Variants in CAMTA1 observed in about 807,000 individuals in gnomAD.
The protein encoded by CAMTA1 is calmodulin-binding transcription activator 1.
CAMTA1 carries 27 observed loss-of-function variants against 170.9 expected under a neutral mutation model. The observed-to-expected ratio is 0.16, with a 90% CI of 0.12 to 0.22. The LOEUF (loss-of-function observed/expected upper bound fraction) is 0.22, where lower values mean the gene tolerates loss of function less well. Ranked by LOEUF, CAMTA1 falls within the 10% of genes least tolerant of loss-of-function variation. CAMTA1 has a pLI of 1.00. For missense variants in CAMTA1, 1,619 were observed against 2,217.2 expected (o/e 0.73, Z 5.42); for synonymous variants, 833 against 891.5 (o/e 0.93, Z 1.17).
intron 3 of CAMTA1, among the ~76,000 whole-genome samples, chr1:7,062,809 C>T (rs551088765): frequency 6.6e-6 from 1 of 152,334 alleles, no homozygotes; most frequent in Admixed American, 6.5e-5. Flanking sequence ...GATCCTTCCT[C>T]GCCCCTCCTA....
chr1:7,074,607 C>A (rs998863603), intron 3 of CAMTA1, among the ~76,000 whole-genome samples: 3 of 152,132 alleles, frequency 2.0e-5, no homozygotes, highest in African/African-American at 4.8e-5. Context: ...GCATTAAGTT[C>A]TTCATTAATG....
chr1:7,739,050 T>G (rs551582607), intron 16 of CAMTA1, among the ~76,000 whole-genome samples: 1 of 152,330 alleles, frequency 6.6e-6, no homozygotes, highest in South Asian at 2.1e-4. Context: ...TTAAACTTGT[T>G]ATGGACTAAG....
chr1:7,237,303 TCTG>T (rs1664063133), intron 4 of CAMTA1, among the ~76,000 whole-genome samples: 1 of 151,958 alleles, frequency 6.6e-6, no homozygotes, highest in Admixed American at 6.6e-5. Context: ...TTGCACAAAA[TCTG>T]CTGCCTCCGG....
chr1:7,556,956 G>A (rs553457131), intron 6 of CAMTA1, among the ~76,000 whole-genome samples: 1 of 152,268 alleles, frequency 6.6e-6, no homozygotes, highest in African/African-American at 2.4e-5. Flanking sequence ...TTTGAGGCAG[G>A]TGTTCTTGTT....
intron 6 of CAMTA1, among the ~76,000 whole-genome samples, chr1:7,572,637 A>G (rs746903259): frequency 2.0e-4 from 30 of 152,224 alleles, no homozygotes; most frequent in Non-Finnish European, 2.9e-5. Flanking sequence ...TTCGTCAGAG[A>G]TTAGATGGTT....
intron 5 of CAMTA1, among the ~76,000 whole-genome samples, chr1:7,332,293 A>T (rs778467790): frequency 6.6e-6 from 1 of 152,204 alleles, no homozygotes; most frequent in Admixed American, 6.5e-5. Context: ...CCAGAATGTC[A>T]TCCAGGAGGC....
At chr1:7,582,564 A>G (rs893115688) in intron 6 of CAMTA1, among the ~76,000 whole-genome samples, 1 of 152,104 alleles carries the variant, frequency 6.6e-6, no homozygotes, top group Admixed American at 6.6e-5. Flanking sequence ...ACAATTTCCA[A>G]GGGACCCAGG....
chr1:7,303,439 A>G (rs17346094), intron 5 of CAMTA1, among the ~76,000 whole-genome samples: 5,617 of 152,328 alleles, frequency 0.037, 170 homozygotes, highest in Non-Finnish European at 0.059. Flanking sequence ...TATGAAGCTG[A>G]GCTATACTCT....
Position 7,544,202 on chromosome 1 carries a change from C to T in CAMTA1, c.510+76301C>T, listed in dbSNP as rs181551587. Among the ~76,000 whole-genome samples, 200 of 152,228 alleles carry T rather than the reference C, an allele frequency of 1.3e-3. 1 individual carries two copies. Among genetic ancestry groups the T allele is most frequent in the Non-Finnish European group, 2.3e-3 (155 of 68,014 alleles). Reference sequence around the variant, plus strand: ...GAAGCAAAAGGCACTTCTTACATGGCGGTGGCAAGAGAAAAATGAAGAAGA... The same window carrying T: ...GAAGCAAAAGGCACTTCTTACATGGTGGTGGCAAGAGAAAAATGAAGAAGA... On this transcript the variant is annotated intron_variant, in intron 6 of 22. Coordinates refer to ENST00000303635, the MANE Select transcript of CAMTA1 (RefSeq NM_015215.4).
intron 4 of CAMTA1, among the ~76,000 whole-genome samples, chr1:7,201,802 A>G (rs1032971800): frequency 2.0e-5 from 3 of 151,894 alleles, no homozygotes; most frequent in Non-Finnish European, 4.4e-5. Context: ...TCTTTATCAG[A>G]TATATAATTT....
intron 11 of CAMTA1, among the ~76,000 whole-genome samples, chr1:7,704,309 C>T (rs2096480056): frequency 6.9e-6 from 1 of 145,102 alleles, no homozygotes; most frequent in South Asian, 2.1e-4. Context: ...ACGGGAGGCC[C>T]GCGCGGGGCT....
At chr1:7,658,849 G>T (rs917360854) in intron 7 of CAMTA1, among the ~76,000 whole-genome samples, 1 of 152,210 alleles carries the variant, frequency 6.6e-6, no homozygotes. Flanking sequence ...GGTGCTTAGG[G>T]GGATGCTGGA....
rs2095031898 is a variant in CAMTA1 at position 7,565,663 on chromosome 1, T to A, written c.511-74737T>A. Among the ~76,000 whole-genome samples, 1 of 152,184 alleles carries A rather than the reference T, an allele frequency of 6.6e-6. No homozygotes were observed. Reference sequence around the variant, plus strand: ...GGCTGCCTGGGGGCCTCAGCCATACTGTGGGGCTCCTTGGGGAAAGGAATT... The same window carrying A: ...GGCTGCCTGGGGGCCTCAGCCATACAGTGGGGCTCCTTGGGGAAAGGAATT... On this transcript the variant is annotated intron_variant, in intron 6 of 22. Coordinates refer to ENST00000303635, the MANE Select transcript of CAMTA1 (RefSeq NM_015215.4). This position sits in a 1 kb window ranked among gnomAD's most constrained non-coding sequence, Gnocchi z 4.5.
At chr1:7,394,831 G>C (rs544594522) in intron 5 of CAMTA1, among the ~76,000 whole-genome samples, 2 of 146,258 alleles carry the variant, frequency 1.4e-5, no homozygotes, top group South Asian at 4.3e-4. Context: ...GTGTGTGTGT[G>C]TGTGTGTGTG....
rs1034468608 is a variant in CAMTA1 at position 7,642,927 on chromosome 1, G to A, written c.664+2374G>A. On this transcript the variant is annotated intron_variant, in intron 7 of 22. Coordinates refer to ENST00000303635, the MANE Select transcript of CAMTA1 (RefSeq NM_015215.4). The surrounding 1 kb of genome is among the most constrained non-coding windows in gnomAD (Gnocchi z 6.3). Reference sequence around the variant, plus strand: ...GCCAGCCTGTCCCATTTCTTGGGAGGTGGAGTCACTCCAGAGGGCTCAGCT... The same window carrying A: ...GCCAGCCTGTCCCATTTCTTGGGAGATGGAGTCACTCCAGAGGGCTCAGCT... 1.6e-4 allele frequency among the ~76,000 whole-genome samples: 24 copies of A among 152,170 alleles called. No homozygotes were observed. The highest frequency in any genetic ancestry group is 4.6e-4 in the African/African-American group (19 of 41,434).
chr1:7,433,166 G>A (rs569457545), intron 5 of CAMTA1, among the ~76,000 whole-genome samples: 20 of 152,358 alleles, frequency 1.3e-4, no homozygotes, highest in African/African-American at 4.6e-4. Context: ...AATTGCCCAG[G>A]AAATAGGCCA....
intron 11 of CAMTA1, among the ~76,000 whole-genome samples, chr1:7,701,442 G>A (rs1397016996): frequency 1.3e-5 from 2 of 152,034 alleles, no homozygotes. Flanking sequence ...TTGAGACAGG[G>A]TCTTGCTCTG....
chr1:7,023,884 C>T (rs1170850283), intron 3 of CAMTA1, among the ~76,000 whole-genome samples: 6 of 151,758 alleles, frequency 4.0e-5, no homozygotes, highest in South Asian at 2.1e-4. Flanking sequence ...AAAAATTAGC[C>T]GGGCATGGTG....
chr1:6,983,925 T>G (rs1572214404), intron 3 of CAMTA1, among the ~76,000 whole-genome samples: 1 of 75,192 alleles, frequency 1.3e-5, no homozygotes, highest in Non-Finnish European at 2.5e-5. Flanking sequence ...GGTGGGTAAA[T>G]GGGTGGATGG....
Sources: allele counts gnomAD v4.1 joint callset (sites outside exome capture counted in the v4.1 genomes callset), GRCh38; gene constraint gnomAD v4.1.1; non-coding constraint Gnocchi (gnomAD v3.1); transcripts MANE v1.5; gene names NCBI Gene and HGNC (gene_info 2026-07-23, HGNC 2026-07-21).